Variants in FBXW8 observed in about 807,000 individuals in gnomAD.
FBXW8 encodes the protein F-box/WD repeat-containing protein 8.
In FBXW8, 57 loss-of-function variants were observed where a neutral mutation model predicts 65.3. The observed-to-expected ratio is 0.87, with a 90% CI of 0.71 to 1.09. The LOEUF is 1.09. FBXW8 is among the 50% of genes least tolerant of loss of function. The pLI, the probability that FBXW8 is intolerant of heterozygous loss-of-function variation, is 0.00. For synonymous variants in FBXW8, 308 were observed against 330.2 expected (o/e 0.93, Z 0.73); for missense variants, 777 against 814.8 (o/e 0.95, Z 0.57).
chr12:117,009,453 G>C (rs1472899799), intron 7 of FBXW8, among the ~76,000 whole-genome samples: 3 of 152,110 alleles, frequency 2.0e-5, no homozygotes, highest in Non-Finnish European at 2.9e-5. Flanking sequence ...TCAACCACAT[G>C]ATCTCCAGGA....
chr12:117,001,191 T>C (rs1488822781), intron 7 of FBXW8, among the ~76,000 whole-genome samples: 8 of 152,242 alleles, frequency 5.3e-5, no homozygotes, highest in Non-Finnish European at 1.0e-4. Context: ...CAATACCTCA[T>C]GCACCATGTA....
chr12:116,995,216 C>T (rs780648689), intron 7 of FBXW8, among the ~76,000 whole-genome samples: 30 of 152,190 alleles, frequency 2.0e-4, no homozygotes, highest in Non-Finnish European at 3.8e-4. Context: ...GCAGCGTACG[C>T]GGACATGCTC....
chr12:116,928,912 G>A (rs1307128613), intron 2 of FBXW8, among the ~76,000 whole-genome samples: 2 of 152,166 alleles, frequency 1.3e-5, no homozygotes, highest in African/African-American at 4.8e-5. Context: ...CCAGGCCCAA[G>A]CAGTTCTCCT....
At position 117,028,384 on chromosome 12, in the gene FBXW8, G is replaced by T; in HGVS notation, c.*212G>T. The T allele has an allele frequency of 1.6e-6, 1 of 614,888 alleles. No homozygotes were observed. The highest frequency in any genetic ancestry group is 2.0e-5 in the South Asian group (1 of 49,386). The allele number at this position is 614,888 out of a possible 1,614,324, so 38.1% of individuals were successfully genotyped here. A position where few individuals can be genotyped will look rare whatever the true frequency, so the allele number is the denominator to read the frequency against. On this transcript the variant is annotated 3_prime_UTR_variant, in exon 11 of 11. Transcript: ENST00000652555. The surrounding 1 kb of genome is among the most constrained non-coding windows in gnomAD (Gnocchi z 4.1). ...TGCCAGGGCTCGAGTCCCACGTGCT[G>T]CCAACTCAAACATAGCCTCCTTCCC...
intron 1 of FBXW8, among the ~76,000 whole-genome samples, chr12:116,919,522 C>T (rs1337962916): frequency 1.3e-5 from 2 of 152,176 alleles, no homozygotes; most frequent in Non-Finnish European, 2.9e-5. Flanking sequence ...GTGCCATTAT[C>T]GTTAGTACTC....
At chr12:116,949,583 G>T (rs559339878) in intron 3 of FBXW8, 35 bp from the exon 4 acceptor site, 3 of 1,597,274 alleles carry the variant, frequency 1.9e-6, no homozygotes, top group Non-Finnish European at 2.6e-6. Flanking sequence ...TGTCCCGAGA[G>T]CAGTCTAAAC....
intron 9 of FBXW8, among the ~76,000 whole-genome samples, chr12:117,026,341 TCCAGGTCCCATG>T (rs1483598935): frequency 5.5e-5 from 8 of 144,458 alleles, no homozygotes; most frequent in Non-Finnish European, 1.1e-4. Flanking sequence ...TTTCTCATCC[TCCAGGTCCCATG>T]CCAGGTCCAC....
At position 117,028,236 on chromosome 12, in the gene FBXW8, GC is replaced by G; in HGVS notation, c.*66del. The G allele has an allele frequency of 6.3e-7, 1 of 1,584,846 alleles. No homozygotes were observed. Among genetic ancestry groups the G allele is most frequent in the East Asian group, 2.2e-5 (1 of 44,494 alleles). On this transcript the variant is annotated 3_prime_UTR_variant, in exon 11 of 11. Transcript: ENST00000652555. This position sits in a 1 kb window ranked among gnomAD's most constrained non-coding sequence, Gnocchi z 4.1. ...GAACCAGTTTTATCCATCTTAAAACGCCAGGCACCTCTTCACAGGTGGTAAA... is the reference window on the plus strand; with the variant it reads ...GAACCAGTTTTATCCATCTTAAAACGCAGGCACCTCTTCACAGGTGGTAAA...
chr12:116,917,124 T>C (rs1174867379), intron 1 of FBXW8, among the ~76,000 whole-genome samples: 2 of 152,210 alleles, frequency 1.3e-5, no homozygotes, highest in African/African-American at 4.8e-5. Flanking sequence ...ACCCAAGTGC[T>C]TGGATACAGA....
chr12:116,917,393 C>T (rs117629956), intron 1 of FBXW8, among the ~76,000 whole-genome samples: 2 of 152,282 alleles, frequency 1.3e-5, no homozygotes, highest in Non-Finnish European at 2.9e-5. Context: ...TCCCTAGAAT[C>T]TTTAACAGAA....
chr12:116,974,681 G>C (rs560489630), intron 5 of FBXW8, among the ~76,000 whole-genome samples: 1 of 152,250 alleles, frequency 6.6e-6, no homozygotes, highest in Non-Finnish European at 1.5e-5. Context: ...GGAGGTCAAG[G>C]CTCCAGTGAG....
At chr12:117,001,781 C>A (rs551753820) in intron 7 of FBXW8, among the ~76,000 whole-genome samples, 1 of 152,180 alleles carries the variant, frequency 6.6e-6, no homozygotes, top group Non-Finnish European at 1.5e-5. Flanking sequence ...GTTATCATCT[C>A]TTCGCTGGAC....
chr12:116,922,948 C>T (rs1234641771), intron 1 of FBXW8, among the ~76,000 whole-genome samples: 1 of 151,980 alleles, frequency 6.6e-6, no homozygotes, highest in African/African-American at 2.4e-5. Flanking sequence ...TGCAGTGGCT[C>T]ATGCCTGTAA....
At position 116,964,772 on chromosome 12, in the gene FBXW8, C is replaced by G; in HGVS notation, c.753C>G (p.Asp251Glu). Reference sequence around the variant, plus strand: ...TAGCCCCCTTCCTGGAATCAGAGGACGAGGAGGATGAGCCTGGAATGCAGC... The same window carrying G: ...TAGCCCCCTTCCTGGAATCAGAGGAGGAGGAGGATGAGCCTGGAATGCAGC... ...DYVAPFLESE[D>E]EEDEPGMQPN... The change falls in exon 5 of 11, where the codon GAC (aspartate) becomes GAG (glutamate). Residue 251 changes from aspartate to glutamate, a missense_variant. Physicochemically the swap from Asp to Glu is conservative, Grantham distance 45. Coordinates refer to ENST00000652555, the MANE Select transcript of FBXW8 (RefSeq NM_153348.3). 1 of 1,613,308 alleles carries G rather than the reference C, an allele frequency of 6.2e-7. No individual in the cohort carries two copies. Among genetic ancestry groups the G allele is most frequent in the Non-Finnish European group, 8.5e-7 (1 of 1,179,990 alleles).
At chr12:116,977,170 G>A (rs757414142) in intron 5 of FBXW8, among the ~76,000 whole-genome samples, 2 of 152,080 alleles carry the variant, frequency 1.3e-5, no homozygotes, top group Admixed American at 6.6e-5. Context: ...CTGCAGTTTC[G>A]CCATCATTTA....
At chr12:116,948,279 G>A (rs1883058866) in intron 3 of FBXW8, among the ~76,000 whole-genome samples, 3 of 152,050 alleles carry the variant, frequency 2.0e-5, no homozygotes, top group Admixed American at 2.0e-4. Flanking sequence ...CCTCACAAGA[G>A]ATTTTCTGTT....
Position 116,936,624 on chromosome 12 carries a change from T to A in FBXW8, c.423+8497T>A, listed in dbSNP as rs1445898072. On this transcript the variant is annotated intron_variant, in intron 2 of 10. Transcript: ENST00000652555. The surrounding 1 kb of genome is among the most constrained non-coding windows in gnomAD (Gnocchi z 4.6). The stretch of plus-strand genomic sequence containing the variant: ...AAGCTGGAAAAGGTAAGAAAACTGT[T>A]TTCTTTCTGAAGCCTCCGGAAGGAA... 6.6e-6 allele frequency among the ~76,000 whole-genome samples: 1 copy of A among 152,164 alleles called. No individual in the cohort carries two copies. The highest frequency in any genetic ancestry group is 1.5e-5 in the Non-Finnish European group (1 of 68,028).
At chr12:117,001,577 A>G (rs923983821) in intron 7 of FBXW8, among the ~76,000 whole-genome samples, 2 of 152,030 alleles carry the variant, frequency 1.3e-5, no homozygotes, top group African/African-American at 4.8e-5. Context: ...TAAAGAGTTC[A>G]CTTCATAGTT....
chr12:116,969,730 C>T (rs866421106), intron 5 of FBXW8, among the ~76,000 whole-genome samples: 2 of 151,106 alleles, frequency 1.3e-5, no homozygotes, highest in African/African-American at 2.4e-5. Context: ...TGGAGGGAAT[C>T]GTATCCAGAG....
Sources: gnomAD v4.1 joint callset for allele counts (sites outside exome capture counted in the v4.1 genomes callset) on GRCh38, gnomAD v4.1.1 for gene constraint, Gnocchi (gnomAD v3.1) non-coding constraint, MANE v1.5 for transcripts, NCBI Gene and HGNC (gene_info 2026-07-23, HGNC 2026-07-21) for gene names.